The following CACNA1C variants were observed in gnomAD, a reference collection of about 807,000 sequenced individuals.
The protein encoded by CACNA1C is calcium voltage-gated channel subunit alpha1 C.
Under a neutral mutation model 229.0 loss-of-function variants are expected in CACNA1C, and 30 were observed. The observed-to-expected ratio is 0.13, with a 90% confidence interval of 0.10 to 0.18. CACNA1C has a LOEUF of 0.18. CACNA1C is among the 10% of genes least tolerant of loss of function. The pLI is 1.00. For synonymous variants in CACNA1C, 1,114 were observed against 1,132.5 expected (o/e 0.98, Z 0.33); for missense variants, 1,658 against 2,845.0 (o/e 0.58, Z 9.49).
intron 9 of CACNA1C, among the ~76,000 whole-genome samples, chr12:2,520,112 T>C (rs1321291589): frequency 6.6e-6 from 1 of 151,334 alleles, no homozygotes; most frequent in Non-Finnish European, 1.5e-5. Flanking sequence ...GGCCGTGTGC[T>C]TCAGAGGAGG....
intron 1 of CACNA1C, among the ~76,000 whole-genome samples, chr12:1,997,512 G>A (rs1396841752): frequency 6.6e-6 from 1 of 152,192 alleles, no homozygotes; most frequent in Non-Finnish European, 1.5e-5. Context: ...TGGTGACAGA[G>A]CGAGACTCCA....
intron 1 of CACNA1C, among the ~76,000 whole-genome samples, chr12:2,102,919 C>CT (rs368369449): frequency 2.0e-5 from 3 of 152,294 alleles, no homozygotes; most frequent in African/African-American, 7.2e-5. Context: ...TGAACTCATC[C>CT]TTTTTTATGG....
chr12:2,425,173 T>C (rs943580149), intron 3 of CACNA1C, among the ~76,000 whole-genome samples: 1 of 152,250 alleles, frequency 6.6e-6, no homozygotes, highest in Non-Finnish European at 1.5e-5. Context: ...TAAATTATAG[T>C]ACAGCTATTC....
intron 3 of CACNA1C, among the ~76,000 whole-genome samples, chr12:2,174,035 C>T (rs917152063): frequency 3.3e-5 from 5 of 152,054 alleles, no homozygotes; most frequent in Non-Finnish European, 7.4e-5. Flanking sequence ...ACTTCCCACA[C>T]AAGTTCACAG....
At chr12:2,150,979 T>C (rs1003931371) in intron 3 of CACNA1C, among the ~76,000 whole-genome samples, 1 of 152,220 alleles carries the variant, frequency 6.6e-6, no homozygotes, top group African/African-American at 2.4e-5. Flanking sequence ...TCCTGCATGC[T>C]TTCCTTTGTG....
intron 3 of CACNA1C, chr12:2,222,166 G>A (rs2061636740): frequency 6.6e-6 from 1 of 152,064 alleles, no homozygotes; most frequent in South Asian, 2.1e-4. Flanking sequence ...CTTAAAAAAA[G>A]CCCTGTTATT....
At chr12:2,502,000 C>T (rs1396981150) in intron 7 of CACNA1C, among the ~76,000 whole-genome samples, 4 of 152,248 alleles carry the variant, frequency 2.6e-5, no homozygotes, top group Non-Finnish European at 5.9e-5. Context: ...GACTCTGGGG[C>T]TTCCTTCCTG....
chr12:2,593,491 G>T, intron 19 of CACNA1C, 146 bp downstream of exon 19: 1 of 708,134 alleles, frequency 1.4e-6, no homozygotes, highest in Non-Finnish European at 2.2e-6. Context: ...ATTTAGGGAA[G>T]AGTCCTGGAT....
At chr12:2,640,993 G>C (rs2093627220) in intron 30 of CACNA1C, among the ~76,000 whole-genome samples, 1 of 152,206 alleles carries the variant, frequency 6.6e-6, no homozygotes, top group South Asian at 2.1e-4. Flanking sequence ...GGCTGTCTCT[G>C]TCTGCCTTTG....
intron 3 of CACNA1C, among the ~76,000 whole-genome samples, chr12:2,328,779 T>A (rs577687166): frequency 6.6e-6 from 1 of 152,308 alleles, no homozygotes; most frequent in East Asian, 1.9e-4. Flanking sequence ...AATTAGCAAG[T>A]CATTTTTAGT....
intron 9 of CACNA1C, among the ~76,000 whole-genome samples, chr12:2,535,289 T>C (rs1490217933): frequency 6.6e-6 from 1 of 152,016 alleles, no homozygotes; most frequent in Non-Finnish European, 1.5e-5. Context: ...CTTGGGAGGC[T>C]GAGGCAGGAG....
intron 3 of CACNA1C, among the ~76,000 whole-genome samples, chr12:2,322,002 C>A (rs1013278255): frequency 6.6e-6 from 1 of 152,200 alleles, no homozygotes; most frequent in African/African-American, 2.4e-5. Context: ...TCTATCAGAA[C>A]TAGACGCAGC....
chr12:2,266,123 C>T (rs754642614), intron 3 of CACNA1C, among the ~76,000 whole-genome samples: 1 of 152,212 alleles, frequency 6.6e-6, no homozygotes, highest in Non-Finnish European at 1.5e-5. Context: ...ATGTGGCTTG[C>T]CATGTGCCCA....
At chr12:2,338,069 C>T (rs1287501302) in intron 3 of CACNA1C, among the ~76,000 whole-genome samples, 1 of 152,092 alleles carries the variant, frequency 6.6e-6, no homozygotes, top group Non-Finnish European at 1.5e-5. Flanking sequence ...ATCCCAGGAC[C>T]CTACACTCCC....
intron 5 of CACNA1C, among the ~76,000 whole-genome samples, chr12:2,471,107 C>T (rs1487231394): frequency 6.6e-6 from 1 of 152,202 alleles, no homozygotes; most frequent in Non-Finnish European, 1.5e-5. Context: ...GCTAGGATTA[C>T]AGTTGTGAGC....
chr12:2,580,404 A>G lies in CACNA1C; in HGVS notation c.1896-1186A>G, dbSNP rs182408608. Among the ~76,000 whole-genome samples, 8 of 152,296 alleles carry G rather than the reference A, an allele frequency of 5.3e-5. No homozygotes were observed. The East Asian group carries it at 1.5e-3, about 29-fold the overall frequency. Reference sequence around the variant, plus strand: ...TGTGGCTGCAATGGGAGTGGCTTGCATGTCACTCACTGAAGCAGCAAAAGC... The same window carrying G: ...TGTGGCTGCAATGGGAGTGGCTTGCGTGTCACTCACTGAAGCAGCAAAAGC... On this transcript the variant is annotated intron_variant, in intron 13 of 46. Coordinates refer to ENST00000399655, the MANE Select transcript of CACNA1C (RefSeq NM_000719.7).
At chr12:2,098,012 T>A (rs1223694526) in intron 1 of CACNA1C, among the ~76,000 whole-genome samples, 1 of 152,214 alleles carries the variant, frequency 6.6e-6, no homozygotes, top group African/African-American at 2.4e-5. Context: ...CTCCTCATTC[T>A]ATGGAAGAGA....
At chr12:2,328,387 T>C (rs1379731070) in intron 3 of CACNA1C, among the ~76,000 whole-genome samples, 1 of 147,132 alleles carries the variant, frequency 6.8e-6, no homozygotes, top group Non-Finnish European at 1.5e-5. Context: ...TCTAGCATTT[T>C]TGCCCCCTTC....
At chr12:1,993,155 C>G in intron 1 of CACNA1C, 1 of 1,417,450 alleles carries the variant, frequency 7.1e-7, no homozygotes, top group Non-Finnish European at 1.0e-6. Flanking sequence ...GCTGACACCC[C>G]CCATAGCCAC....
Sources: gnomAD v4.1 joint callset for allele counts (sites outside exome capture counted in the v4.1 genomes callset) on GRCh38, gnomAD v4.1.1 for gene constraint, MANE v1.5 for transcripts, NCBI Gene and HGNC (gene_info 2026-07-23, HGNC 2026-07-21) for gene names.